The following CECR2 variants were observed in gnomAD, a reference collection of about 807,000 sequenced individuals.
The protein encoded by CECR2 is chromatin remodeling regulator CECR2.
In CECR2, 30 loss-of-function variants were observed where a neutral mutation model predicts 154.5. The ratio of observed to expected loss-of-function variants is 0.19; its 90% CI spans 0.15 to 0.26. The LOEUF is 0.26. Among genes scored for constraint, CECR2 ranks in the 10% least tolerant of loss-of-function variants. CECR2 has a pLI of 1.00. For synonymous variants in CECR2, 725 were observed against 683.7 expected (o/e 1.06, Z -0.94); for missense variants, 1,743 against 1,829.3 (o/e 0.95, Z 0.86).
chr22:17,388,887 C>T (rs1358106429), intron 1 of CECR2, among the ~76,000 whole-genome samples: 1 of 152,046 alleles, frequency 6.6e-6, no homozygotes, highest in Admixed American at 6.6e-5. Context: ...GATCTCAGCT[C>T]ACTGCAGCCT....
chr22:17,548,161 T>G lies in CECR2; in HGVS notation c.2874T>G (p.Pro958=). The G allele has an allele frequency of 6.5e-7, 1 of 1,534,522 alleles. No individual in the cohort carries two copies. The highest frequency in any genetic ancestry group is 1.4e-5 in the African/African-American group (1 of 71,688). ...TTTTTTTTGCAGCAGAGCCGTTGCCTGGCCTTGAAGAGAAACCACCAGGTG... is the reference window on the plus strand; with the variant it reads ...TTTTTTTTGCAGCAGAGCCGTTGCCGGGCCTTGAAGAGAAACCACCAGGTG... ...EPENDQAEPL[P]GLEEKPPGVG... Residue 958 remains proline (P), a synonymous_variant, in exon 17 of 19, where the codon CCT becomes CCG. Coordinates refer to ENST00000262608, the MANE Select transcript of CECR2 (RefSeq NM_001290047.2).
rs184442590 is a variant in CECR2 at position 17,534,362 on chromosome 22, C to T, written c.1109-2741C>T. ...TCATTTATAGGGAAAAAATTTACAT[C>T]CCTGCTCCTTATATAAGTTCCAGAT... On this transcript the variant is annotated intron_variant, in intron 9 of 18. Transcript: ENST00000262608. 3.3e-5 allele frequency among the ~76,000 whole-genome samples: 5 copies of T among 152,290 alleles called. No homozygotes were observed. The East Asian group carries it at 9.7e-4, about 29-fold the overall frequency.
intron 5 of CECR2, 29 bp downstream of exon 5, chr22:17,500,764 A>AT: frequency 7.1e-7 from 1 of 1,418,300 alleles, no homozygotes; most frequent in Non-Finnish European, 9.6e-7. Flanking sequence ...TTGTGGTCAT[A>AT]GACCATGGCA....
At chr22:17,495,794 G>A (rs1352796883) in intron 2 of CECR2, among the ~76,000 whole-genome samples, 2 of 148,102 alleles carry the variant, frequency 1.4e-5, no homozygotes, top group South Asian at 2.2e-4. Context: ...CCTGGGAGGC[G>A]GAGCTTGCAG....
At chr22:17,445,671 C>T (rs1478420887) in intron 1 of CECR2, among the ~76,000 whole-genome samples, 4 of 151,746 alleles carry the variant, frequency 2.6e-5, no homozygotes, top group Non-Finnish European at 5.9e-5. Flanking sequence ...TGGCTGACTG[C>T]AACCTCTGCC....
intron 1 of CECR2, among the ~76,000 whole-genome samples, chr22:17,446,580 G>A (rs543318250): frequency 6.7e-6 from 1 of 150,300 alleles, no homozygotes; most frequent in African/African-American, 2.5e-5. Context: ...AGCCGGGTGT[G>A]GTGGCGGGCG....
intron 6 of CECR2, among the ~76,000 whole-genome samples, chr22:17,503,396 T>C (rs2055776155): frequency 6.6e-6 from 1 of 152,098 alleles, no homozygotes; most frequent in African/African-American, 2.4e-5. Context: ...AACGTTGGAG[T>C]GAATAACCAG....
rs1418884754 is a variant in CECR2 at position 17,549,202 on chromosome 22, T to C, written c.3915T>C (p.Ala1305=). 3 of 1,614,046 alleles carry C rather than the reference T, an allele frequency of 1.9e-6. No individual in the cohort carries two copies. The highest frequency in any genetic ancestry group is 1.6e-4 in the Middle Eastern group (1 of 6,062). Reference sequence around the variant, plus strand: ...TAGACCTGGACAACCATAACGCAGCTACCAAGCGGCAGAGCTCGTTGTCAG... The same window carrying C: ...TAGACCTGGACAACCATAACGCAGCCACCAAGCGGCAGAGCTCGTTGTCAG... ...EFLDLDNHNA[A]TKRQSSLSAS... The change falls in exon 17 of 19, where the codon GCT becomes GCC. Residue 1305 remains alanine (A), a synonymous_variant. Transcript: ENST00000262608.
chr22:17,481,555 G>A (rs753725584), intron 2 of CECR2, among the ~76,000 whole-genome samples: 1 of 152,030 alleles, frequency 6.6e-6, no homozygotes, highest in Non-Finnish European at 1.5e-5. Context: ...ATCCTTTTCC[G>A]TTGTGGTTTG....
intron 16 of CECR2, among the ~76,000 whole-genome samples, chr22:17,544,096 T>C (rs2056572731): frequency 6.6e-6 from 1 of 152,190 alleles, no homozygotes; most frequent in Non-Finnish European, 1.5e-5. Flanking sequence ...GTAGTTTTGG[T>C]GGCTCATGCC....
intron 1 of CECR2, among the ~76,000 whole-genome samples, chr22:17,461,218 A>G (rs1399987180): frequency 2.0e-5 from 3 of 152,212 alleles, no homozygotes; most frequent in Admixed American, 6.5e-5. Flanking sequence ...CTGTTGGTTC[A>G]GAGTTTATTC....
At chr22:17,436,303 A>G (rs757742178) in intron 1 of CECR2, among the ~76,000 whole-genome samples, 2 of 152,166 alleles carry the variant, frequency 1.3e-5, no homozygotes, top group Non-Finnish European at 2.9e-5. Flanking sequence ...AATTATGCCA[A>G]CTACAGCCCA....
At chr22:17,402,455 A>G (rs572134312) in intron 1 of CECR2, among the ~76,000 whole-genome samples, 4 of 152,344 alleles carry the variant, frequency 2.6e-5, no homozygotes, top group Non-Finnish European at 5.9e-5. Context: ...TCTTAAGACT[A>G]CTGTGCTGAT....
chr22:17,385,107 C>T (rs2063243450), intron 1 of CECR2, among the ~76,000 whole-genome samples: 1 of 152,226 alleles, frequency 6.6e-6, no homozygotes, highest in Non-Finnish European at 1.5e-5. Flanking sequence ...TAGGCTTTGG[C>T]TTCAGGGAAT....
At chr22:17,419,025 G>C (rs2054198069) in intron 1 of CECR2, 1 of 166,858 alleles carries the variant, frequency 6.0e-6, no homozygotes, top group Admixed American at 6.1e-5. Flanking sequence ...CCCTGGCCAA[G>C]GGCACCGCGG....
intron 1 of CECR2, among the ~76,000 whole-genome samples, chr22:17,387,138 C>A (rs1308473482): frequency 6.6e-6 from 1 of 152,084 alleles, no homozygotes; most frequent in African/African-American, 2.4e-5. Context: ...TATTTATGTT[C>A]TGTGTTATGT....
chr22:17,480,056 T>TG (rs1352092495), intron 2 of CECR2, among the ~76,000 whole-genome samples: 1 of 152,094 alleles, frequency 6.6e-6, no homozygotes, highest in African/African-American at 2.4e-5. Flanking sequence ...CACTGTGCCT[T>TG]GCCCCTACAA....
intron 9 of CECR2, among the ~76,000 whole-genome samples, chr22:17,525,545 G>A (rs1374859980): frequency 6.6e-6 from 1 of 152,106 alleles, no homozygotes; most frequent in Non-Finnish European, 1.5e-5. Context: ...GGTGGAAGTT[G>A]CAGTGAGCCG....
chr22:17,549,031 C>T lies in CECR2; in HGVS notation c.3744C>T (p.Gly1248=). The T allele has an allele frequency of 6.2e-7, 1 of 1,614,014 alleles. No individual in the cohort carries two copies. The highest frequency in any genetic ancestry group is 8.5e-7 in the Non-Finnish European group (1 of 1,179,898). Residue 1248 remains glycine (G), a synonymous_variant, in exon 17 of 19, where the codon GGC becomes GGT. Transcript: ENST00000262608. ...SDKNAMASLQ[G]CETLNAALTS... is the part of the protein sequence containing the mutation. ...AGAATGCCATGGCCAGTCTGCAAGGCTGTGAGACACTGAATGCTGCCTTAA... is the reference window on the plus strand; with the variant it reads ...AGAATGCCATGGCCAGTCTGCAAGGTTGTGAGACACTGAATGCTGCCTTAA...
Sources: allele counts gnomAD v4.1 joint callset (sites outside exome capture counted in the v4.1 genomes callset), GRCh38; gene constraint gnomAD v4.1.1; transcripts MANE v1.5; gene names NCBI Gene and HGNC (gene_info 2026-07-23, HGNC 2026-07-21).